The following MCPH1 variants were observed in gnomAD, a reference collection of about 807,000 sequenced individuals.
The protein encoded by MCPH1 is microcephalin.
MCPH1 carries 104 observed loss-of-function variants against 84.5 expected under a neutral mutation model. That is an observed-to-expected ratio of 1.23 (90% CI 1.05 to 1.45). MCPH1 has a LOEUF of 1.45. Among genes scored for constraint, MCPH1 ranks in the 40% most tolerant of loss-of-function variants. MCPH1 has a pLI of 0.00. For missense variants in MCPH1, 1,498 were observed against 1,005.7 expected, an observed-to-expected ratio of 1.49 and a Z score of -6.62; for synonymous variants, 514 against 366.8, an observed-to-expected ratio of 1.40 and a Z score of -4.58.
chr8:6,462,388 C>G (rs1010783989), intron 9 of MCPH1, among the ~76,000 whole-genome samples: 2 of 152,206 alleles, frequency 1.3e-5, no homozygotes, highest in African/African-American at 4.8e-5. Flanking sequence ...TAAATATTTT[C>G]TGAGTAAATA....
chr8:6,469,776 A>G (rs983975938), intron 9 of MCPH1, among the ~76,000 whole-genome samples: 7 of 152,226 alleles, frequency 4.6e-5, no homozygotes, highest in African/African-American at 1.7e-4. Context: ...TGGTCTTACT[A>G]AAACAAAATC....
At chr8:6,479,618 G>T (rs574894907) in intron 10 of MCPH1, among the ~76,000 whole-genome samples, 1 of 151,730 alleles carries the variant, frequency 6.6e-6, no homozygotes, top group South Asian at 2.1e-4. Flanking sequence ...TGTTTTTTTA[G>T]TAGAGACAGC....
intron 9 of MCPH1, among the ~76,000 whole-genome samples, chr8:6,473,687 T>A (rs997833400): frequency 4.6e-5 from 7 of 152,200 alleles, no homozygotes; most frequent in African/African-American, 1.4e-4. Flanking sequence ...AGCTTTCTCA[T>A]GGAGAAAAAG....
intron 13 of MCPH1, among the ~76,000 whole-genome samples, chr8:6,636,017 G>C (rs902223861): frequency 2.0e-5 from 3 of 152,170 alleles, no homozygotes; most frequent in Non-Finnish European, 4.4e-5. Flanking sequence ...TAAGTGTAAG[G>C]AAATGACTGC....
At chr8:6,409,813 G>C (rs1010486653) in intron 2 of MCPH1, among the ~76,000 whole-genome samples, 1 of 152,196 alleles carries the variant, frequency 6.6e-6, no homozygotes, top group African/African-American at 2.4e-5. Flanking sequence ...AGTCACAGGT[G>C]TGGACATCGT....
intron 12 of MCPH1, among the ~76,000 whole-genome samples, chr8:6,567,914 A>G (rs532579895): frequency 2.0e-5 from 3 of 152,210 alleles, no homozygotes; most frequent in Admixed American, 6.5e-5. Context: ...TACCCACCCA[A>G]TTTTTGTCTG....
At chr8:6,433,539 A>G (rs1264753852) in intron 4 of MCPH1, among the ~76,000 whole-genome samples, 1 of 148,324 alleles carries the variant, frequency 6.7e-6, no homozygotes, top group Non-Finnish European at 1.5e-5. Context: ...AGGCTGAGGC[A>G]GGAGAATTGC....
intron 13 of MCPH1, chr8:6,635,465 C>T (rs1257268464): frequency 3.9e-5 from 6 of 152,122 alleles, no homozygotes; most frequent in South Asian, 2.1e-4. Flanking sequence ...CATGGTGACA[C>T]GTGACTATAG....
intron 13 of MCPH1, among the ~76,000 whole-genome samples, chr8:6,639,481 A>G (rs901678609): frequency 6.6e-5 from 10 of 152,100 alleles, no homozygotes; most frequent in Admixed American, 6.5e-4. Flanking sequence ...GGCAACATAG[A>G]AAGACCGTGT....
At chr8:6,563,278 A>G (rs1246078962) in intron 12 of MCPH1, 1 of 179,576 alleles carries the variant, frequency 5.6e-6, no homozygotes, top group African/African-American at 2.3e-5. Flanking sequence ...TCCTTATATG[A>G]TAAGTTGATA....
chr8:6,505,333 AGAAAG>A (rs1813247908), intron 12 of MCPH1, among the ~76,000 whole-genome samples: 1 of 55,080 alleles, frequency 1.8e-5, no homozygotes, highest in Non-Finnish European at 3.1e-5. Flanking sequence ...ATATACATAT[AGAAAG>A]AATATATATA....
intron 9 of MCPH1, among the ~76,000 whole-genome samples, chr8:6,460,675 T>C (rs1184331513): frequency 6.6e-6 from 1 of 152,194 alleles, no homozygotes; most frequent in Non-Finnish European, 1.5e-5. Context: ...ATACGTTCCA[T>C]ATCTAATATG....
intron 13 of MCPH1, among the ~76,000 whole-genome samples, chr8:6,629,907 G>A (rs1180874283): frequency 6.6e-6 from 1 of 152,194 alleles, no homozygotes; most frequent in African/African-American, 2.4e-5. Context: ...GCTGGGCCCA[G>A]CAAGTGGAAA....
chr8:6,631,425 G>T (rs553795390), intron 13 of MCPH1, among the ~76,000 whole-genome samples: 41 of 151,926 alleles, frequency 2.7e-4, no homozygotes, highest in African/African-American at 7.5e-4. Flanking sequence ...TGCAAATAAC[G>T]GGTTAATCTT....
At chr8:6,458,521 G>A (rs1017617325) in intron 9 of MCPH1, among the ~76,000 whole-genome samples, 1 of 151,766 alleles carries the variant, frequency 6.6e-6, no homozygotes, top group Non-Finnish European at 1.5e-5. Flanking sequence ...TTGCTTAAAG[G>A]TTGAGTGAGT....
intron 12 of MCPH1, among the ~76,000 whole-genome samples, chr8:6,577,877 G>C (rs1382672817): frequency 6.6e-6 from 1 of 152,204 alleles, no homozygotes; most frequent in Admixed American, 6.5e-5. Flanking sequence ...AATTAATCCA[G>C]AATTTATGTC....
intron 12 of MCPH1, among the ~76,000 whole-genome samples, chr8:6,604,368 C>CTA (rs1219629008): frequency 6.6e-6 from 1 of 152,240 alleles, no homozygotes; most frequent in Non-Finnish European, 1.5e-5. Flanking sequence ...GATCAGATCT[C>CTA]TGTTGTAGAC....
At chr8:6,637,941 G>C (rs912240961) in intron 13 of MCPH1, among the ~76,000 whole-genome samples, 3 of 152,182 alleles carry the variant, frequency 2.0e-5, no homozygotes, top group East Asian at 3.8e-4. Context: ...TGGCATATTA[G>C]AGAAAGAAGA....
At chr8:6,472,746 G>A (rs996125383) in intron 9 of MCPH1, among the ~76,000 whole-genome samples, 18 of 152,182 alleles carry the variant, frequency 1.2e-4, no homozygotes, top group African/African-American at 4.3e-4. Context: ...GGAATTACAG[G>A]GATAAGCCAC....
Sources: allele counts gnomAD v4.1 joint callset (sites outside exome capture counted in the v4.1 genomes callset), GRCh38; gene constraint gnomAD v4.1.1; transcripts MANE v1.5; gene names NCBI Gene and HGNC (gene_info 2026-07-23, HGNC 2026-07-21).